The following CFAP97 variants were observed in gnomAD, a reference collection of about 807,000 sequenced individuals.
The protein encoded by CFAP97 is cilia- and flagella-associated protein 97.
CFAP97 carries 36 observed loss-of-function variants against 43.1 expected under a neutral mutation model. The ratio of observed to expected loss-of-function variants is 0.84; its 90% CI spans 0.64 to 1.10. CFAP97 has a LOEUF of 1.10. Ranked by LOEUF, CFAP97 falls within the 50% of genes least tolerant of loss-of-function variation. The pLI, the probability that CFAP97 is intolerant of heterozygous loss-of-function variation, is 0.00. For synonymous variants in CFAP97, 228 were observed against 225.7 expected (o/e 1.01, Z -0.09); for missense variants, 657 against 620.3 (o/e 1.06, Z -0.63).
At chr4:185,166,760 T>A (rs1235181273) in intron 3 of CFAP97, among the ~76,000 whole-genome samples, 1 of 152,162 alleles carries the variant, frequency 6.6e-6, no homozygotes, top group Non-Finnish European at 1.5e-5. Flanking sequence ...TCCATCTGAG[T>A]GTTACATGAA....
chr4:185,203,802 G>C (rs1228820943), intron 1 of CFAP97, 96 bp downstream of exon 1: 1 of 117,444 alleles, frequency 8.5e-6, no homozygotes, highest in Non-Finnish European at 2.0e-5. Flanking sequence ...ACTCGCCGCC[G>C]CCTGGGCTCC....
rs766007381 is a variant in CFAP97, at chr4:185,191,162, A to C, written c.35T>G (p.Val12Gly). 1 of 1,595,496 alleles carries C rather than the reference A, an allele frequency of 6.3e-7. No individual in the cohort carries two copies. The highest frequency in any genetic ancestry group is 8.5e-7 in the Non-Finnish European group (1 of 1,173,590). Residue 12 changes from valine (V) to glycine (G), a missense_variant, in exon 2 of 5, where the codon GTG (valine) becomes GGG (glycine). Transcript: ENST00000458385. ...GTCACTGTCAAAGAAAGAATGGTCC[A>C]CTTCACCTTCTAATATATCTCCAAA... ...DQFGDILEGE[V>G]DHSFFDSDFE...
intron 1 of CFAP97, among the ~76,000 whole-genome samples, chr4:185,197,832 G>T (rs1736626148): frequency 6.6e-6 from 1 of 152,212 alleles, no homozygotes; most frequent in Non-Finnish European, 1.5e-5. Flanking sequence ...AAGGTATGCT[G>T]AAAGTCCAGG....
intron 1 of CFAP97, among the ~76,000 whole-genome samples, chr4:185,195,757 C>A: frequency 6.6e-6 from 1 of 152,118 alleles, no homozygotes; most frequent in South Asian, 2.1e-4. Context: ...CTAATTTTGC[C>A]CACTTGAATG....
In CFAP97 at chr4:185,164,167, T is replaced by C; in HGVS notation, c.1333A>G (p.Arg445Gly). 1 of 1,613,460 alleles carries C rather than the reference T, an allele frequency of 6.2e-7. No individual in the cohort carries two copies. The highest frequency in any genetic ancestry group is 8.5e-7 in the Non-Finnish European group (1 of 1,179,674). ...ACTGTTGGTTTCACGGCCTCAAGCC[T>C]TTTCAATAAAGCCTTCAATAAAGAC... The part of the protein sequence containing the change: ...IERENLALLK[R>G]LEAVKPTVGM... Residue 445 changes from arginine (R) to glycine (G), a missense_variant, in exon 4 of 5, where the codon AGG (arginine) becomes GGG (glycine). By Grantham distance (125) the Arg-to-Gly change is moderately radical. Transcript: ENST00000458385.
At chr4:185,176,692 A>G (rs4326052) in intron 2 of CFAP97, among the ~76,000 whole-genome samples, 150,652 of 152,274 alleles carry the variant, frequency 0.99, 74,538 homozygotes, top group Middle Eastern at 1. Flanking sequence ...TAATAGCTGG[A>G]AAGGTTAGAA....
At chr4:185,178,287 G>A (rs1028772471) in intron 2 of CFAP97, among the ~76,000 whole-genome samples, 10 of 114,480 alleles carry the variant, frequency 8.7e-5, no homozygotes, top group Admixed American at 2.7e-4. Flanking sequence ...TTGCTCTGTC[G>A]CCCAGACTGG....
intron 3 of CFAP97, among the ~76,000 whole-genome samples, chr4:185,172,396 A>G (rs1266269626): frequency 6.6e-6 from 1 of 152,208 alleles, no homozygotes; most frequent in Non-Finnish European, 1.5e-5. Context: ...GTTTTATACA[A>G]TCGTTGCCTT....
intron 1 of CFAP97, among the ~76,000 whole-genome samples, chr4:185,199,276 G>A (rs1736708857): frequency 6.6e-6 from 1 of 152,178 alleles, no homozygotes; most frequent in African/African-American, 2.4e-5. Context: ...GGGAAGCTGA[G>A]GCTGGAGAAT....
At chr4:185,171,419 A>G (rs552240305) in intron 3 of CFAP97, among the ~76,000 whole-genome samples, 5 of 152,224 alleles carry the variant, frequency 3.3e-5, no homozygotes, top group African/African-American at 1.2e-4. Context: ...AAGTAAAAAA[A>G]GGAAAATAAG....
intron 2 of CFAP97, among the ~76,000 whole-genome samples, chr4:185,178,990 G>A (rs1017444980): frequency 1.3e-5 from 2 of 152,130 alleles, no homozygotes; most frequent in African/African-American, 4.8e-5. Context: ...GACAAAGAGA[G>A]GGGCGCTAAA....
At chr4:185,181,586 A>T (rs574299124) in intron 2 of CFAP97, among the ~76,000 whole-genome samples, 1 of 152,240 alleles carries the variant, frequency 6.6e-6, no homozygotes, top group East Asian at 1.9e-4. Flanking sequence ...CGGCCTCCCA[A>T]AGTGCTGGGA....
chr4:185,199,006 T>C (rs1436867621), intron 1 of CFAP97, among the ~76,000 whole-genome samples: 3 of 152,200 alleles, frequency 2.0e-5, no homozygotes, highest in Non-Finnish European at 4.4e-5. Context: ...AAGAACAGGC[T>C]GACTCTTATT....
At position 185,162,476 on chromosome 4, in the gene CFAP97, C is replaced by A; in HGVS notation, c.*322G>T. On this transcript the variant is annotated 3_prime_UTR_variant, in exon 5 of 5. Coordinates refer to ENST00000458385, the MANE Select transcript of CFAP97 (RefSeq NM_020827.3). ...AACACAAATTGAAAACTATAGTGAC[C>A]ATCTTGGGTACGACATGCAATGATA... 5 of 278,602 alleles carry A rather than the reference C, an allele frequency of 1.8e-5. No homozygotes were observed. Among genetic ancestry groups the A allele is most frequent in the South Asian group, 7.2e-5 (2 of 27,918 alleles). The allele number at this position is 278,602 out of a possible 1,614,324, so 17.3% of individuals were successfully genotyped here.
chr4:185,191,114 T>C lies in CFAP97; in HGVS notation c.83A>G (p.Glu28Gly). ...DSDFEEGKKCETNSVFDKQND... is the reference protein window; with the variant it reads ...DSDFEEGKKCGTNSVFDKQND... Reference sequence around the variant, plus strand: ...TTGCTTGTCAAAAACTGAGTTAGTTTCACATTTCTTTCCTTCTTCAAAGTC... The same window carrying C: ...TTGCTTGTCAAAAACTGAGTTAGTTCCACATTTCTTTCCTTCTTCAAAGTC... The change falls in exon 2 of 5, where the codon GAA becomes GGA. Residue 28 changes from glutamate (E) to glycine (G), a missense_variant. Glu to Gly is a moderately conservative substitution (Grantham distance 98). Transcript: ENST00000458385. 6.2e-7 allele frequency: 1 copy of C among 1,612,262 alleles called. No individual in the cohort carries two copies.
upstream of CFAP97, chr4:185,204,383 C>T (rs906779754): frequency 6.6e-6 from 1 of 152,182 alleles, no homozygotes; most frequent in African/African-American, 2.4e-5. Flanking sequence ...TTTCTATCAG[C>T]AAATTTCAGT....
intron 1 of CFAP97, among the ~76,000 whole-genome samples, chr4:185,199,637 T>C (rs1736734409): frequency 1.3e-5 from 2 of 152,082 alleles, no homozygotes; most frequent in African/African-American, 4.8e-5. Context: ...GCCAGTGCAT[T>C]TCAGCCTGGG....
chr4:185,171,238 G>A (rs975582268), intron 3 of CFAP97, among the ~76,000 whole-genome samples: 1 of 151,866 alleles, frequency 6.6e-6, no homozygotes, highest in African/African-American at 2.4e-5. Context: ...GGTGTCACAC[G>A]CTTGTAGTCC....
At chr4:185,188,059 G>A (rs1736080156) in intron 2 of CFAP97, among the ~76,000 whole-genome samples, 2 of 151,898 alleles carry the variant, frequency 1.3e-5, no homozygotes, top group Non-Finnish European at 2.9e-5. Context: ...ACCACGCCCA[G>A]CTAATTTTTG....
Sources: gnomAD v4.1 joint callset for allele counts (sites outside exome capture counted in the v4.1 genomes callset) on GRCh38, gnomAD v4.1.1 for gene constraint, MANE v1.5 for transcripts, NCBI Gene and HGNC (gene_info 2026-07-23, HGNC 2026-07-21) for gene names.